CCDC178: variants seen among roughly 807,000 people sequenced by gnomAD.
The protein encoded by CCDC178 is coiled-coil domain-containing protein 178.
In CCDC178, 126 loss-of-function variants were observed where a neutral mutation model predicts 117.4. The ratio of observed to expected loss-of-function variants is 1.07; its 90% CI spans 0.93 to 1.24. The LOEUF is 1.24. Ranked by LOEUF, CCDC178 falls within the 50% of genes most tolerant of loss-of-function variation. The pLI is 0.00. For missense variants in CCDC178, 1,030 were observed against 986.9 expected (o/e 1.04, Z -0.59); for synonymous variants, 283 against 313.4 (o/e 0.90, Z 1.02).
intron 21 of CCDC178, among the ~76,000 whole-genome samples, chr18:32,980,169 A>C (rs2055118924): frequency 1.3e-5 from 2 of 152,232 alleles, no homozygotes; most frequent in Admixed American, 1.3e-4. Flanking sequence ...AATGGAAAAA[A>C]AATTGACAAA....
At chr18:33,424,960 C>T (rs1162573538) in intron 2 of CCDC178, among the ~76,000 whole-genome samples, 1 of 152,114 alleles carries the variant, frequency 6.6e-6, no homozygotes, top group East Asian at 1.9e-4. Context: ...TTGGTGTAGT[C>T]GTGGACCTAA....
intron 2 of CCDC178, among the ~76,000 whole-genome samples, chr18:33,413,818 G>C (rs1297532643): frequency 6.6e-6 from 1 of 152,116 alleles, no homozygotes; most frequent in African/African-American, 2.4e-5. Context: ...GGTGCCCTGA[G>C]AAATTAACCC....
intron 7 of CCDC178, among the ~76,000 whole-genome samples, chr18:33,354,761 C>T (rs1034751853): frequency 2.6e-5 from 4 of 152,026 alleles, no homozygotes; most frequent in Non-Finnish European, 5.9e-5. Context: ...CAAGTGCAGG[C>T]CACCATGCGC....
At chr18:33,202,905 T>A (rs1250152211) in intron 20 of CCDC178, among the ~76,000 whole-genome samples, 1 of 152,220 alleles carries the variant, frequency 6.6e-6, no homozygotes, top group African/African-American at 2.4e-5. Context: ...AGATGGAAAT[T>A]CCTAAATAAC....
At chr18:33,170,190 G>T (rs1314446564) in intron 20 of CCDC178, among the ~76,000 whole-genome samples, 2 of 152,058 alleles carry the variant, frequency 1.3e-5, no homozygotes, top group African/African-American at 4.8e-5. Flanking sequence ...ATCTAAGCAA[G>T]AAGTATATGG....
intron 12 of CCDC178, among the ~76,000 whole-genome samples, chr18:33,275,850 C>T (rs902387807): frequency 5.2e-4 from 79 of 151,392 alleles, no homozygotes; most frequent in Non-Finnish European, 6.9e-4. Context: ...TGCACTGTGC[C>T]CTGATTGATA....
chr18:32,977,007 G>T (rs1215774072), intron 21 of CCDC178, among the ~76,000 whole-genome samples: 2 of 152,042 alleles, frequency 1.3e-5, no homozygotes, highest in Non-Finnish European at 2.9e-5. Context: ...GCTCTGAAGA[G>T]ATTAGATTTT....
At chr18:33,214,292 G>C (rs1426727662) in intron 19 of CCDC178, among the ~76,000 whole-genome samples, 6 of 152,030 alleles carry the variant, frequency 3.9e-5, no homozygotes. Context: ...AATATTATTT[G>C]ACATTATATA....
chr18:33,294,924 C>T (rs2062088125), intron 11 of CCDC178, among the ~76,000 whole-genome samples: 1 of 152,116 alleles, frequency 6.6e-6, no homozygotes, highest in Admixed American at 6.5e-5. Context: ...ATTCCTCAGC[C>T]TTTTGAGGGT....
intron 2 of CCDC178, among the ~76,000 whole-genome samples, chr18:33,421,585 T>TA: frequency 6.6e-6 from 1 of 152,296 alleles, no homozygotes; most frequent in Non-Finnish European, 1.5e-5. Flanking sequence ...AGCTAGTTGT[T>TA]AAACATTTAT....
intron 11 of CCDC178, among the ~76,000 whole-genome samples, chr18:33,322,501 T>C (rs2062525394): frequency 6.6e-6 from 1 of 151,764 alleles, no homozygotes; most frequent in Admixed American, 6.6e-5. Flanking sequence ...ACTGAACAAT[T>C]TTCATGGTTT....
At chr18:33,034,669 T>C (rs2056408706) in intron 21 of CCDC178, among the ~76,000 whole-genome samples, 1 of 152,044 alleles carries the variant, frequency 6.6e-6, no homozygotes, top group Non-Finnish European at 1.5e-5. Context: ...CATAGTGTCT[T>C]TGTTGTGTAC....
chr18:33,303,772 T>C (rs2062211945), intron 11 of CCDC178, among the ~76,000 whole-genome samples: 1 of 152,110 alleles, frequency 6.6e-6, no homozygotes, highest in African/African-American at 2.4e-5. Flanking sequence ...CCAGACATCA[T>C]GAAAGCATTA....
At chr18:33,261,446 T>G (rs1200203865) in intron 14 of CCDC178, among the ~76,000 whole-genome samples, 2 of 152,196 alleles carry the variant, frequency 1.3e-5, no homozygotes, top group African/African-American at 4.8e-5. Context: ...TACATCTTCT[T>G]TAATTTGCTT....
chr18:33,395,977 T>C (rs919472424), intron 4 of CCDC178, among the ~76,000 whole-genome samples: 65 of 152,084 alleles, frequency 4.3e-4, no homozygotes, highest in African/African-American at 1.4e-3. Context: ...AATAATAACG[T>C]TTGTGCATCA....
At chr18:33,021,689 A>G in intron 21 of CCDC178, among the ~76,000 whole-genome samples, 1 of 152,178 alleles carries the variant, frequency 6.6e-6, no homozygotes, top group Non-Finnish European at 1.5e-5. Context: ...ACCTCACCTC[A>G]TGTTTATTCC....
At chr18:33,186,604 G>A (rs1052624903) in intron 20 of CCDC178, among the ~76,000 whole-genome samples, 7 of 152,114 alleles carry the variant, frequency 4.6e-5, no homozygotes, top group African/African-American at 1.7e-4. Flanking sequence ...TCTCCTCCCT[G>A]AGTTTCCTTG....
At chr18:33,009,525 T>C (rs1317850498) in intron 21 of CCDC178, among the ~76,000 whole-genome samples, 1 of 152,172 alleles carries the variant, frequency 6.6e-6, no homozygotes, top group Non-Finnish European at 1.5e-5. Flanking sequence ...AATATCCACA[T>C]TGCTAGTTCC....
rs2062242947 is a variant in CCDC178 at position 33,306,002 on chromosome 18, T to G, written c.1023-12690A>C. Among the ~76,000 whole-genome samples the G allele has an allele frequency of 2.0e-5, 3 of 152,002 alleles. No individual in the cohort carries two copies. In the South Asian group the frequency reaches 6.2e-4, roughly 32 times the overall value. On this transcript the variant is annotated intron_variant, in intron 11 of 22. Coordinates refer to ENST00000383096, the MANE Select transcript of CCDC178 (RefSeq NM_001105528.4). ...TTGGTTTTCTGCATAGTAAGAAAAA[T>G]TTAGAGCTAAAATGATTAACCTGCA...
Sources: allele counts gnomAD v4.1 joint callset (sites outside exome capture counted in the v4.1 genomes callset), GRCh38; gene constraint gnomAD v4.1.1; transcripts MANE v1.5; gene names NCBI Gene and HGNC (gene_info 2026-07-23, HGNC 2026-07-21).